PLXNA4: variants seen among roughly 807,000 people sequenced by gnomAD.
The protein encoded by PLXNA4 is plexin-A4.
Under a neutral mutation model 191.8 loss-of-function variants are expected in PLXNA4, and 44 were observed. The observed-to-expected ratio is 0.23, with a 90% confidence interval of 0.18 to 0.29. The LOEUF (loss-of-function observed/expected upper bound fraction) is 0.29. Ranked by LOEUF, PLXNA4 falls within the 10% of genes least tolerant of loss-of-function variation. PLXNA4 has a pLI of 1.00. For synonymous variants in PLXNA4, 1,082 were observed against 1,009.5 expected (o/e 1.07, Z -1.36); for missense variants, 1,800 against 2,488.8 (o/e 0.72, Z 5.89).
At chr7:132,373,667 A>G (rs1363621855) in intron 3 of PLXNA4, among the ~76,000 whole-genome samples, 2 of 152,206 alleles carry the variant, frequency 1.3e-5, no homozygotes, top group Admixed American at 6.5e-5. Context: ...GTGAGGAAAC[A>G]GCTCTTGGAT....
At chr7:132,515,556 T>C (rs576520334) in intron 1 of PLXNA4, among the ~76,000 whole-genome samples, 2 of 152,226 alleles carry the variant, frequency 1.3e-5, no homozygotes, top group South Asian at 2.1e-4. Context: ...AACAGATCTG[T>C]GCCTTCCACT....
intron 3 of PLXNA4, among the ~76,000 whole-genome samples, chr7:132,361,687 C>A (rs1473758351): frequency 2.0e-5 from 3 of 152,174 alleles, no homozygotes; most frequent in Non-Finnish European, 2.9e-5. Context: ...AGAATCATTT[C>A]TGTGCCTCCT....
At chr7:132,577,894 A>G (rs1802320799), upstream of PLXNA4, among the ~76,000 whole-genome samples, 1 of 152,138 alleles carries the variant, frequency 6.6e-6, no homozygotes, top group African/African-American at 2.4e-5. Flanking sequence ...AAGGAGGCCG[A>G]GGACACTGAG....
intron 5 of PLXNA4, 28 bp from the exon 6 acceptor site, chr7:132,228,497 C>T (rs1798411812): frequency 6.2e-7 from 1 of 1,612,938 alleles, no homozygotes; most frequent in East Asian, 2.2e-5. Context: ...TCGAGTTACT[C>T]AGGAGATGGC....
At chr7:132,564,047 T>C (rs1801575550) in intron 1 of PLXNA4, among the ~76,000 whole-genome samples, 2 of 310 alleles carry the variant, frequency 6.5e-3, no homozygotes, top group Non-Finnish European at 0.011. Context: ...CTCCTTTTCC[T>C]CCCCCTCTTT....
intron 21 of PLXNA4, among the ~76,000 whole-genome samples, chr7:132,169,669 A>ATGAC (rs1437900689): frequency 1.3e-5 from 2 of 152,124 alleles, no homozygotes; most frequent in Non-Finnish European, 2.9e-5. Context: ...TTGTAGAGAA[A>ATGAC]TGACTGCTCT....
intron 1 of PLXNA4, among the ~76,000 whole-genome samples, chr7:132,531,682 T>C (rs1036533282): frequency 2.0e-5 from 3 of 152,212 alleles, no homozygotes. Flanking sequence ...GTTAAGAACC[T>C]GAACTTTCGA....
intron 3 of PLXNA4, among the ~76,000 whole-genome samples, chr7:132,301,526 C>G (rs771350511): frequency 6.6e-6 from 1 of 152,192 alleles, no homozygotes; most frequent in African/African-American, 2.4e-5. Flanking sequence ...ACACATCTGG[C>G]GGATGGCACA....
At chr7:132,579,090 G>A (rs1802350136), upstream of PLXNA4, among the ~76,000 whole-genome samples, 2 of 152,166 alleles carry the variant, frequency 1.3e-5, no homozygotes, top group East Asian at 3.9e-4. Context: ...TCACCCCAAG[G>A]TCCATGTAAG....
chr7:132,183,205 C>T (rs751379573), intron 16 of PLXNA4, among the ~76,000 whole-genome samples: 8 of 152,200 alleles, frequency 5.3e-5, no homozygotes, highest in Non-Finnish European at 1.0e-4. Flanking sequence ...TGCTCACATG[C>T]GCGCACACAC....
intron 2 of PLXNA4, among the ~76,000 whole-genome samples, chr7:132,594,907 A>ATAGG (rs1459247885): frequency 3.1e-5 from 4 of 127,252 alleles, no homozygotes; most frequent in African/African-American, 9.4e-5. Context: ...ACATAGATAG[A>ATAGG]TAGGTAGATA....
chr7:132,438,497 C>T lies in PLXNA4; in HGVS notation c.1371+50795G>A, dbSNP rs189458076. 7.9e-5 allele frequency among the ~76,000 whole-genome samples: 12 copies of T among 152,274 alleles called. No homozygotes were observed. In the East Asian group the frequency reaches 2.1e-3, roughly 27 times the overall value. ...CCACAGTTCATATTACCCAGTTAAA[C>T]AGGGAATGGCTAACTTCTCAACCAC... On this transcript the variant is annotated intron_variant, in intron 3 of 31. Coordinates refer to ENST00000321063, the MANE Select transcript of PLXNA4 (RefSeq NM_020911.2).
chr7:132,183,777 T>C (rs1796788475), intron 16 of PLXNA4, among the ~76,000 whole-genome samples: 1 of 152,136 alleles, frequency 6.6e-6, no homozygotes, highest in Admixed American at 6.5e-5. Context: ...CCTGATAGAG[T>C]AACTGCTGAG....
chr7:132,334,950 A>C (rs1802760029), intron 3 of PLXNA4, among the ~76,000 whole-genome samples: 1 of 152,236 alleles, frequency 6.6e-6, no homozygotes, highest in African/African-American at 2.4e-5. Flanking sequence ...CCAGAATGTC[A>C]GCATATCTAC....
chr7:132,520,658 T>C (rs1799138493), intron 1 of PLXNA4, among the ~76,000 whole-genome samples: 1 of 152,178 alleles, frequency 6.6e-6, no homozygotes, highest in African/African-American at 2.4e-5. Flanking sequence ...GAAATGATAA[T>C]ACATGCAAGG....
At chr7:132,252,628 T>C (rs1799295856) in intron 4 of PLXNA4, among the ~76,000 whole-genome samples, 1 of 152,206 alleles carries the variant, frequency 6.6e-6, no homozygotes, top group South Asian at 2.1e-4. Flanking sequence ...CCTTATGCAC[T>C]GTCGGTGAGT....
intron 1 of PLXNA4, among the ~76,000 whole-genome samples, chr7:132,573,244 A>C (rs1262177139): frequency 6.6e-6 from 1 of 152,132 alleles, no homozygotes; most frequent in Non-Finnish European, 1.5e-5. Flanking sequence ...GTCTAATGAG[A>C]GCCAAGATCA....
At position 132,180,697 on chromosome 7, in the gene PLXNA4, G is replaced by A. The variant is rs201842720; in HGVS notation, c.3528C>T (p.Asn1176=). ...KNLIPPVAGG[N]VKLNYTVLVG... is the part of the protein sequence containing the mutation. ...CCAGCACAGTGTAGTTCAGCTTCACGTTGCCCCCAGCCACAGGCGGGATCA... is the reference window on the plus strand; with the variant it reads ...CCAGCACAGTGTAGTTCAGCTTCACATTGCCCCCAGCCACAGGCGGGATCA... The change falls in exon 19 of 32, where the codon AAC becomes AAT. Residue 1176 remains asparagine (N), a synonymous_variant. Transcript: ENST00000321063. 4.0e-4 allele frequency: 653 copies of A among 1,614,170 alleles called. No individual in the cohort carries two copies. The highest frequency in any genetic ancestry group is 5.0e-4 in the Non-Finnish European group (592 of 1,180,024).
chr7:132,475,338 C>A (rs1797081804), intron 3 of PLXNA4, among the ~76,000 whole-genome samples: 1 of 152,132 alleles, frequency 6.6e-6, no homozygotes, highest in African/African-American at 2.4e-5. Context: ...CATCTTAGAG[C>A]TCTTTATGTG....
Sources: gnomAD v4.1 joint callset for allele counts (sites outside exome capture counted in the v4.1 genomes callset) on GRCh38, gnomAD v4.1.1 for gene constraint, MANE v1.5 for transcripts, NCBI Gene and HGNC (gene_info 2026-07-23, HGNC 2026-07-21) for gene names.